PHYHIPL: variants seen among roughly 807,000 people sequenced by gnomAD.
PHYHIPL encodes phytanoyl-CoA 2-hydroxylase interacting protein like, also known as phytanoyl-CoA hydroxylase-interacting protein-like.
In PHYHIPL, 9 loss-of-function variants were observed where a neutral mutation model predicts 33.4. The ratio of observed to expected loss-of-function variants is 0.27; its 90% CI spans 0.16 to 0.47. PHYHIPL has a LOEUF of 0.47. PHYHIPL is among the 20% of genes least tolerant of loss of function. The pLI is 0.99. For missense variants in PHYHIPL, 365 were observed against 460.7 expected (o/e 0.79, Z 1.90); for synonymous variants, 153 against 154.1 (o/e 0.99, Z 0.05).
intron 1 of PHYHIPL, among the ~76,000 whole-genome samples, chr10:59,204,489 A>T (rs911330551): frequency 6.6e-6 from 1 of 152,192 alleles, no homozygotes; most frequent in Non-Finnish European, 1.5e-5. Context: ...GAATTATTTT[A>T]AAAAGAAAGA....
At chr10:59,244,581 A>AAAAAAAAAAAAAAAAAC (rs1564462118) in intron 4 of PHYHIPL, among the ~76,000 whole-genome samples, 3 of 148,756 alleles carry the variant, frequency 2.0e-5, no homozygotes, top group Admixed American at 6.8e-5. Context: ...AAAAAAAAAA[A>AAAAAAAAAAAAAAAAAC]AAAAAGCCAA....
Position 59,247,579 on chromosome 10 carries a change from T to C in PHYHIPL, c.*1988T>C. 1 of 1,611,970 alleles carries C rather than the reference T, an allele frequency of 6.2e-7. No individual in the cohort carries two copies. Among genetic ancestry groups the C allele is most frequent in the Non-Finnish European group, 8.5e-7 (1 of 1,179,162 alleles). ...AGAGGAAAATAAACTTTACTTTATA[T>C]CATGGGTGAAAGTGATCATAACATT... On this transcript the variant is annotated 3_prime_UTR_variant, in exon 5 of 5. Coordinates refer to ENST00000373880, the MANE Select transcript of PHYHIPL (RefSeq NM_032439.4).
chr10:59,204,059 A>G lies in PHYHIPL; in HGVS notation c.106+27100A>G, dbSNP rs543676255. Among the ~76,000 whole-genome samples the G allele has an allele frequency of 5.9e-5, 9 of 152,326 alleles. No individual in the cohort carries two copies. In the East Asian group the frequency reaches 1.2e-3, roughly 20 times the overall value. On this transcript the variant is annotated intron_variant, in intron 1 of 4. Transcript: ENST00000373880. ...GGAATTTACATCAAGATCAAATTCC[A>G]TGGGAAGTCTTTATGTAGATTTAGA...
At chr10:59,196,851 T>C (rs1368583873) in intron 1 of PHYHIPL, among the ~76,000 whole-genome samples, 1 of 152,228 alleles carries the variant, frequency 6.6e-6, no homozygotes, top group Non-Finnish European at 1.5e-5. Context: ...ATCCACCCAA[T>C]GTATTCAAAG....
Position 59,203,731 on chromosome 10 carries a change from C to T in PHYHIPL, c.106+26772C>T, listed in dbSNP as rs570128045. ...GAATTGAACAATGAGAACACTTGGA[C>T]ACAGGGTGGGGAACATCACACACCA... On this transcript the variant is annotated intron_variant, in intron 1 of 4. Transcript: ENST00000373880. Among the ~76,000 whole-genome samples, 558 of 132,556 alleles carry T rather than the reference C, an allele frequency of 4.2e-3. 3 individuals carry two copies. Among genetic ancestry groups the T allele is most frequent in the Non-Finnish European group, 6.3e-3 (415 of 65,900 alleles). The allele number at this position is 132,556 out of a possible 152,430, so 87.0% of individuals were successfully genotyped here. A position where few individuals can be genotyped will look rare whatever the true frequency, so the allele number is the denominator to read the frequency against.
chr10:59,226,185 T>A (rs12258886), intron 1 of PHYHIPL, among the ~76,000 whole-genome samples: 2,188 of 152,072 alleles, frequency 0.014, 28 homozygotes, highest in Non-Finnish European at 0.023. Context: ...TATACTAATT[T>A]TAAAATTCCA....
chr10:59,185,282 G>A (rs552171572), intron 1 of PHYHIPL, among the ~76,000 whole-genome samples: 3 of 152,262 alleles, frequency 2.0e-5, no homozygotes, highest in East Asian at 1.9e-4. Flanking sequence ...GAGCCACCGC[G>A]CCCGGCCGAA....
intron 4 of PHYHIPL, 130 bp downstream of exon 4, chr10:59,238,835 T>C: frequency 1.8e-6 from 1 of 560,000 alleles, no homozygotes; most frequent in East Asian, 2.9e-5. Flanking sequence ...GATATGGAAT[T>C]TTATTTTCCA....
intron 1 of PHYHIPL, among the ~76,000 whole-genome samples, chr10:59,228,357 C>T (rs891177328): frequency 1.3e-5 from 2 of 152,046 alleles, no homozygotes; most frequent in African/African-American, 4.8e-5. Context: ...AAAGTTCCAA[C>T]AATGTTCAAT....
At chr10:59,206,365 T>G (rs1839284797) in intron 1 of PHYHIPL, among the ~76,000 whole-genome samples, 1 of 152,182 alleles carries the variant, frequency 6.6e-6, no homozygotes, top group African/African-American at 2.4e-5. Context: ...GGCTGTGAGG[T>G]CTCTATCTGT....
Position 59,234,264 on chromosome 10 carries a change from T to A in PHYHIPL, c.107-40T>A, listed in dbSNP as rs180799500. The A allele has an allele frequency of 2.0e-5, 29 of 1,471,446 alleles. No homozygotes were observed. The East Asian group carries it at 4.2e-4, about 21-fold the overall frequency. 91.1% of individuals were successfully genotyped at this position (1,471,446 alleles called of 1,614,324 possible). A position where few individuals can be genotyped will look rare whatever the true frequency, so the allele number is the denominator to read the frequency against. On this transcript the variant is annotated intron_variant, in intron 1 of 4. Transcript: ENST00000373880. ...AATTGGAAATAAATTGGAAAATCCATTAATTGGAAATTAACTTCCTGTGCA... is the reference window on the plus strand; with the variant it reads ...AATTGGAAATAAATTGGAAAATCCAATAATTGGAAATTAACTTCCTGTGCA...
intron 1 of PHYHIPL, among the ~76,000 whole-genome samples, chr10:59,186,628 CT>C (rs1293713416): frequency 6.6e-6 from 1 of 152,062 alleles, no homozygotes; most frequent in Non-Finnish European, 1.5e-5. Flanking sequence ...TGTTTGTGTC[CT>C]CTCTTATTTC....
chr10:59,196,847 C>T (rs1210292339), intron 1 of PHYHIPL, among the ~76,000 whole-genome samples: 1 of 152,040 alleles, frequency 6.6e-6, no homozygotes, highest in East Asian at 1.9e-4. Context: ...ATAAATCCAC[C>T]CAATGTATTC....
intron 1 of PHYHIPL, among the ~76,000 whole-genome samples, chr10:59,194,616 C>A (rs1437974481): frequency 6.6e-6 from 1 of 152,112 alleles, no homozygotes; most frequent in Non-Finnish European, 1.5e-5. Flanking sequence ...ATTTTCCCTG[C>A]AATAGTGTTC....
intron 1 of PHYHIPL, among the ~76,000 whole-genome samples, chr10:59,215,944 A>G (rs1203258737): frequency 1.3e-5 from 2 of 152,092 alleles, no homozygotes; most frequent in Non-Finnish European, 2.9e-5. Context: ...CGTTGATGCC[A>G]TTTACTGAAG....
chr10:59,240,260 T>C (rs2133297547), intron 4 of PHYHIPL, among the ~76,000 whole-genome samples: 1 of 152,180 alleles, frequency 6.6e-6, no homozygotes, highest in Admixed American at 6.5e-5. Flanking sequence ...TTGTCAGTTG[T>C]GGATTGGCAA....
At chr10:59,239,199 G>A (rs1157962155) in intron 4 of PHYHIPL, among the ~76,000 whole-genome samples, 2 of 152,046 alleles carry the variant, frequency 1.3e-5, no homozygotes, top group Non-Finnish European at 2.9e-5. Context: ...AAATGTACCC[G>A]AGATTGGGCA....
intron 1 of PHYHIPL, among the ~76,000 whole-genome samples, chr10:59,191,038 T>C (rs1838770439): frequency 6.6e-6 from 1 of 151,936 alleles, no homozygotes; most frequent in African/African-American, 2.4e-5. Flanking sequence ...TTTTATGTTA[T>C]CTATTTTCCT....
chr10:59,185,812 G>T (rs1313043692), intron 1 of PHYHIPL, among the ~76,000 whole-genome samples: 1 of 152,038 alleles, frequency 6.6e-6, no homozygotes, highest in Non-Finnish European at 1.5e-5. Context: ...TGATGGGGTT[G>T]TTTGTTTTTT....
Sources: gnomAD v4.1 joint callset for allele counts (sites outside exome capture counted in the v4.1 genomes callset) on GRCh38, gnomAD v4.1.1 for gene constraint, MANE v1.5 for transcripts, NCBI Gene and HGNC (gene_info 2026-07-23, HGNC 2026-07-21) for gene names.